The following PDE4D variants were observed in gnomAD, a reference collection of about 807,000 sequenced individuals.
The protein encoded by PDE4D is 3',5'-cyclic-AMP phosphodiesterase 4D.
Under a neutral mutation model 87.4 loss-of-function variants are expected in PDE4D, and 24 were observed. The observed-to-expected ratio is 0.27, with a 90% CI of 0.20 to 0.39. The LOEUF is 0.39. Among genes scored for constraint, PDE4D ranks in the 10% least tolerant of loss-of-function variants. The probability of loss-of-function intolerance (pLI) is 1.00; values close to 1 mark genes in which losing one functional copy is unlikely to be tolerated. For synonymous variants in PDE4D, 384 were observed against 383.2 expected (o/e 1.00, Z -0.02); for missense variants, 714 against 1,041.0 (o/e 0.69, Z 4.32).
chr5:60,484,312 A>C (rs930386663), intron 1 of PDE4D, among the ~76,000 whole-genome samples: 2 of 152,276 alleles, frequency 1.3e-5, no homozygotes, highest in African/African-American at 4.8e-5. Context: ...CTGTGAAGGA[A>C]TGCTTATCTA....
At chr5:59,238,409 T>C (rs1046411440) in intron 1 of PDE4D, among the ~76,000 whole-genome samples, 1 of 152,180 alleles carries the variant, frequency 6.6e-6, no homozygotes, top group African/African-American at 2.4e-5. Flanking sequence ...ATTTGAAGAA[T>C]ACATGAGAAC....
At chr5:59,088,988 C>CTTCT (rs146431014) in intron 5 of PDE4D, among the ~76,000 whole-genome samples, 484 of 152,252 alleles carry the variant, frequency 3.2e-3, no homozygotes, top group African/African-American at 0.011. Flanking sequence ...ATTACAATAT[C>CTTCT]TTCTCTCCTC....
intron 1 of PDE4D, among the ~76,000 whole-genome samples, chr5:59,380,010 A>G (rs182686767): frequency 9.2e-4 from 140 of 152,182 alleles, no homozygotes; most frequent in African/African-American, 3.2e-3. Flanking sequence ...TGGAATCCTC[A>G]GTGTCTACTG....
At chr5:59,528,798 G>A (rs1227979547) in intron 1 of PDE4D, 1 of 266,146 alleles carries the variant, frequency 3.8e-6, no homozygotes, top group Non-Finnish European at 7.5e-6. Flanking sequence ...AGACCTGATG[G>A]TTACAGATAC....
At chr5:59,449,522 A>G (rs1196271269) in intron 1 of PDE4D, among the ~76,000 whole-genome samples, 1 of 152,210 alleles carries the variant, frequency 6.6e-6, no homozygotes, top group Non-Finnish European at 1.5e-5. Context: ...AATTTTTCAT[A>G]TTAAACTCCC....
chr5:59,529,157 T>G (rs1449196128), intron 1 of PDE4D: 2 of 482,056 alleles, frequency 4.1e-6, no homozygotes, highest in Non-Finnish European at 8.3e-6. Context: ...ATTGGGCCCC[T>G]CTTCTTCTGG....
chr5:60,213,534 C>G (rs1246435216), intron 1 of PDE4D, among the ~76,000 whole-genome samples: 2 of 152,214 alleles, frequency 1.3e-5, no homozygotes, highest in African/African-American at 4.8e-5. Flanking sequence ...CTCTTCTCCC[C>G]TCCCGATTCT....
intron 2 of PDE4D, among the ~76,000 whole-genome samples, chr5:60,143,382 T>C (rs1372660130): frequency 6.6e-6 from 1 of 152,214 alleles, no homozygotes; most frequent in Non-Finnish European, 1.5e-5. Context: ...AAAATGGAAA[T>C]ACATTGTTGA....
chr5:60,279,439 T>C (rs1238660286), intron 1 of PDE4D, among the ~76,000 whole-genome samples: 1 of 152,070 alleles, frequency 6.6e-6, no homozygotes, highest in Admixed American at 6.6e-5. Flanking sequence ...GTGTGGACAT[T>C]GGGGTACTTC....
At chr5:59,516,790 A>G (rs958852169) in intron 1 of PDE4D, among the ~76,000 whole-genome samples, 2 of 152,208 alleles carry the variant, frequency 1.3e-5, no homozygotes, top group Admixed American at 6.5e-5. Flanking sequence ...AATTAAAATT[A>G]ATTAAAAAAT....
At chr5:59,275,380 C>A in intron 1 of PDE4D, 4 of 1,596,948 alleles carry the variant, frequency 2.5e-6, no homozygotes, top group Non-Finnish European at 3.4e-6. Flanking sequence ...AGATCGGGAT[C>A]TTGGCTTCAT....
intron 1 of PDE4D, among the ~76,000 whole-genome samples, chr5:59,497,271 A>C (rs1018773314): frequency 2.8e-5 from 4 of 144,060 alleles, no homozygotes; most frequent in Non-Finnish European, 5.9e-5. Context: ...GAACTCTGGC[A>C]ATACAAAATG....
At position 59,103,595 on chromosome 5, in the gene PDE4D, G is replaced by A. The variant is rs550487647; in HGVS notation, c.809-64624C>T. On this transcript the variant is annotated intron_variant, in intron 5 of 14. Transcript: ENST00000340635. ...CCTTTAAACAGGTTGTAGCTTCCAGGTCACCCCAGTCCCAGGAATCTTTAT... is the reference window on the plus strand; with the variant it reads ...CCTTTAAACAGGTTGTAGCTTCCAGATCACCCCAGTCCCAGGAATCTTTAT... 9.9e-5 allele frequency among the ~76,000 whole-genome samples: 15 copies of A among 152,238 alleles called. No homozygotes were observed. The East Asian group carries it at 2.9e-3, about 29-fold the overall frequency.
chr5:59,773,306 A>T (rs139115383), intron 1 of PDE4D, among the ~76,000 whole-genome samples: 8 of 152,214 alleles, frequency 5.3e-5, no homozygotes, highest in Non-Finnish European at 1.0e-4. Context: ...ATCTGTGTCT[A>T]TGAGGTGCCA....
At chr5:59,753,806 T>A (rs1429886700) in intron 1 of PDE4D, among the ~76,000 whole-genome samples, 1 of 152,236 alleles carries the variant, frequency 6.6e-6, no homozygotes, top group African/African-American at 2.4e-5. Context: ...ACTGTGCATA[T>A]CAGTAAGTGA....
At chr5:59,219,859 G>A (rs1331755911) in intron 1 of PDE4D, among the ~76,000 whole-genome samples, 2 of 152,136 alleles carry the variant, frequency 1.3e-5, no homozygotes, top group African/African-American at 2.4e-5. Flanking sequence ...TCCAGCCAGA[G>A]TAGAGCTGGG....
At chr5:59,464,158 G>A (rs1248207909) in intron 1 of PDE4D, among the ~76,000 whole-genome samples, 1 of 152,196 alleles carries the variant, frequency 6.6e-6, no homozygotes, top group Non-Finnish European at 1.5e-5. Context: ...CTGAAATATG[G>A]CCTCGTGGGA....
chr5:59,467,764 G>C (rs780380720), intron 1 of PDE4D, among the ~76,000 whole-genome samples: 2 of 152,178 alleles, frequency 1.3e-5, no homozygotes, highest in Non-Finnish European at 1.5e-5. Flanking sequence ...AAATGAGAAA[G>C]AGAAGACATA....
intron 1 of PDE4D, among the ~76,000 whole-genome samples, chr5:59,348,581 A>G (rs1241942991): frequency 1.4e-5 from 2 of 146,910 alleles, no homozygotes; most frequent in Non-Finnish European, 3.0e-5. Context: ...TTATTTCTTT[A>G]GCTCAACACA....
Sources: allele counts gnomAD v4.1 joint callset (sites outside exome capture counted in the v4.1 genomes callset), GRCh38; gene constraint gnomAD v4.1.1; transcripts MANE v1.5; gene names NCBI Gene and HGNC (gene_info 2026-07-23, HGNC 2026-07-21).